Variants in LIN9 observed in about 807,000 individuals in gnomAD.
LIN9 encodes lin-9 DREAM MuvB core complex component.
Under a neutral mutation model 78.0 loss-of-function variants are expected in LIN9, and 18 were observed. The ratio of observed to expected loss-of-function variants is 0.23; its 90% CI spans 0.16 to 0.34. The LOEUF is 0.34. Ranked by LOEUF, LIN9 falls within the 10% of genes least tolerant of loss-of-function variation. The pLI is 1.00. For synonymous variants in LIN9, 192 were observed against 215.2 expected, an observed-to-expected ratio of 0.89 and a Z score of 0.94; for missense variants, 451 against 644.1, an observed-to-expected ratio of 0.70 and a Z score of 3.25.
At chr1:226,232,708 A>G (rs1657416917) in intron 14 of LIN9, 102 bp from the exon 15 acceptor site, 3 of 624,664 alleles carry the variant, frequency 4.8e-6, no homozygotes, top group South Asian at 4.4e-5. Flanking sequence ...GCTATGATAA[A>G]TCTTAGGGAA....
rs563105923 is a variant in LIN9 at position 226,292,395 on chromosome 1, A to G, written c.264+3447T>C. Among the ~76,000 whole-genome samples the G allele has an allele frequency of 2.6e-5, 4 of 152,258 alleles. No homozygotes were observed. The South Asian group carries it at 8.3e-4, about 32-fold the overall frequency. ...GGCCAGTCTGGAACTCCTGAGCTTAAGCCATCCACCTGCCTTAGCCTCCCA... is the reference window on the plus strand; with the variant it reads ...GGCCAGTCTGGAACTCCTGAGCTTAGGCCATCCACCTGCCTTAGCCTCCCA... On this transcript the variant is annotated intron_variant, in intron 4 of 14. Coordinates refer to ENST00000681046, the MANE Select transcript of LIN9 (RefSeq NM_001366245.2).
At chr1:226,308,358 T>C (rs199530418) in intron 1 of LIN9, among the ~76,000 whole-genome samples, 10 of 152,142 alleles carry the variant, frequency 6.6e-5, no homozygotes, top group Non-Finnish European at 1.3e-4. Flanking sequence ...TCAGGCAGGG[T>C]ACACGTACGC....
intron 8 of LIN9, among the ~76,000 whole-genome samples, chr1:226,267,255 T>C (rs1246137318): frequency 7.9e-6 from 1 of 126,604 alleles, no homozygotes; most frequent in African/African-American, 2.8e-5. Context: ...ATATATATAT[T>C]TCTTTTAGGA....
chr1:226,298,226 G>C (rs2102663850), intron 2 of LIN9, among the ~76,000 whole-genome samples: 1 of 152,268 alleles, frequency 6.6e-6, no homozygotes, highest in East Asian at 1.9e-4. Flanking sequence ...CTTTGTGTGT[G>C]AGACAGAGTA....
intron 6 of LIN9, among the ~76,000 whole-genome samples, chr1:226,281,803 C>G (rs1327336631): frequency 6.6e-6 from 1 of 151,586 alleles, no homozygotes; most frequent in Non-Finnish European, 1.5e-5. Context: ...AAGCAATTCT[C>G]CTGCCTCAGC....
chr1:226,309,170 C>T, upstream of LIN9: 6 of 1,406,676 alleles, frequency 4.3e-6, no homozygotes, highest in Admixed American at 2.6e-5. Flanking sequence ...TTTTCAAAGG[C>T]TGCCCGCCGC....
At chr1:226,251,167 A>T (rs560085698) in intron 10 of LIN9, among the ~76,000 whole-genome samples, 1 of 150,898 alleles carries the variant, frequency 6.6e-6, no homozygotes, top group South Asian at 2.1e-4. Flanking sequence ...GCAATTCTCA[A>T]CTCAGCCTCC....
chr1:226,249,563 T>G (rs116314876), intron 11 of LIN9, among the ~76,000 whole-genome samples: 207 of 152,302 alleles, frequency 1.4e-3, no homozygotes, highest in African/African-American at 4.7e-3. Context: ...CACTTAGGTA[T>G]CTACTTTTGC....
At chr1:226,290,333 CT>C (rs60478152) in intron 4 of LIN9, among the ~76,000 whole-genome samples, 33,309 of 136,610 alleles carry the variant, frequency 0.24, 3,136 homozygotes, top group South Asian at 0.33. Flanking sequence ...GAGGCTATTT[CT>C]TTTTTTTTTT....
At chr1:226,268,214 G>A (rs1275176633) in intron 7 of LIN9, 124 bp from the exon 8 acceptor site, 4 of 816,094 alleles carry the variant, frequency 4.9e-6, no homozygotes, top group East Asian at 3.1e-5. Flanking sequence ...TTCAAAACAA[G>A]CACACACTTT....
chr1:226,280,320 T>C (rs188856742), intron 6 of LIN9, among the ~76,000 whole-genome samples: 1 of 152,296 alleles, frequency 6.6e-6, no homozygotes, highest in East Asian at 1.9e-4. Context: ...TAAGCAATGA[T>C]GAATAAGGAC....
chr1:226,269,641 C>G (rs1430193110), intron 7 of LIN9, among the ~76,000 whole-genome samples: 1 of 152,100 alleles, frequency 6.6e-6, no homozygotes, highest in African/African-American at 2.4e-5. Flanking sequence ...AGAATTTTGA[C>G]TGGTCATGAA....
intron 11 of LIN9, 43 bp from the exon 12 acceptor site, chr1:226,239,139 T>A: frequency 1.3e-6 from 2 of 1,596,752 alleles, no homozygotes; most frequent in East Asian, 4.5e-5. Flanking sequence ...AGTTTGTTTT[T>A]TAGCAATGCA....
At chr1:226,235,506 T>C (rs940144919) in intron 12 of LIN9, among the ~76,000 whole-genome samples, 3 of 152,098 alleles carry the variant, frequency 2.0e-5, no homozygotes, top group Non-Finnish European at 4.4e-5. Flanking sequence ...GGATTTAGGA[T>C]TTTTTAAAAT....
chr1:226,273,585 TA>T (rs1200869415), intron 7 of LIN9, among the ~76,000 whole-genome samples: 8 of 152,142 alleles, frequency 5.3e-5, no homozygotes, highest in Non-Finnish European at 8.8e-5. Flanking sequence ...TTTGACTTTT[TA>T]ACTATACCTC....
intron 12 of LIN9, among the ~76,000 whole-genome samples, chr1:226,233,972 G>A (rs778478453): frequency 6.6e-6 from 1 of 152,060 alleles, no homozygotes; most frequent in Non-Finnish European, 1.5e-5. Context: ...CCCCAATGTG[G>A]GTTTGTTTGT....
chr1:226,265,720 G>T lies in LIN9; in HGVS notation c.937-86C>A. ...TTATTTTTATTTTTTTTTAGACGGAGTCTCGCTCTGTTGCCACTTGTGATC... is the reference window on the plus strand; with the variant it reads ...TTATTTTTATTTTTTTTTAGACGGATTCTCGCTCTGTTGCCACTTGTGATC... On this transcript the variant is annotated intron_variant, in intron 9 of 14. Coordinates refer to ENST00000681046, the MANE Select transcript of LIN9 (RefSeq NM_001366245.2). This position sits in a 1 kb window ranked among gnomAD's most constrained non-coding sequence, Gnocchi z 4.1. 1.4e-6 allele frequency: 1 copy of T among 689,812 alleles called. No individual in the cohort carries two copies. The highest frequency in any genetic ancestry group is 2.4e-6 in the Non-Finnish European group (1 of 420,028). The allele number at this position is 689,812 out of a possible 1,614,324, so 42.7% of individuals were successfully genotyped here.
intron 7 of LIN9, among the ~76,000 whole-genome samples, chr1:226,276,425 A>G (rs928916938): frequency 2.6e-5 from 4 of 152,196 alleles, no homozygotes; most frequent in Non-Finnish European, 5.9e-5. Context: ...CAGAGATCAT[A>G]TCATCTATAA....
intron 7 of LIN9, among the ~76,000 whole-genome samples, chr1:226,271,565 T>C (rs1660280333): frequency 6.6e-6 from 1 of 152,178 alleles, no homozygotes; most frequent in South Asian, 2.1e-4. Flanking sequence ...TGCAGTTGAG[T>C]GTATTGTTCT....
Sources: gnomAD v4.1 joint callset for allele counts (sites outside exome capture counted in the v4.1 genomes callset) on GRCh38, gnomAD v4.1.1 for gene constraint, Gnocchi (gnomAD v3.1) non-coding constraint, MANE v1.5 for transcripts, NCBI Gene and HGNC (gene_info 2026-07-23, HGNC 2026-07-21) for gene names.